The following KDM4C variants were observed in gnomAD, a reference collection of about 807,000 sequenced individuals.
KDM4C encodes lysine demethylase 4C, also known as lysine-specific demethylase 4C.
A neutral mutation model predicts 129.3 loss-of-function variants in KDM4C; 81 were observed. That is an observed-to-expected ratio of 0.63 (90% CI 0.52 to 0.75). The LOEUF (loss-of-function observed/expected upper bound fraction) is 0.75. Among genes scored for constraint, KDM4C ranks in the 30% least tolerant of loss-of-function variants. KDM4C has a pLI of 0.00. For synonymous variants in KDM4C, 573 were observed against 456.1 expected, an observed-to-expected ratio of 1.26 and a Z score of -3.26; for missense variants, 1,457 against 1,304.0, an observed-to-expected ratio of 1.12 and a Z score of -1.81.
At position 7,015,919 on chromosome 9, in the gene KDM4C, C is replaced by T. The variant is rs577091363; in HGVS notation, c.2249C>T (p.Ala750Val). The change falls in exon 15 of 22, where the codon GCG becomes GTG. Residue 750 changes from alanine to valine, a missense_variant. Transcript: ENST00000381309. ...GWLCARCKRN[A>V]WTAECCLCNL... ...CTGTGTGCCCGGTGCAAAAGAAATG[C>T]GTGGACAGCAGTAAGTAGCTTATTT... 2.2e-5 allele frequency: 36 copies of T among 1,610,382 alleles called. No homozygotes were observed. The highest frequency in any genetic ancestry group is 4.5e-5 in the East Asian group (2 of 44,826).
At chr9:7,104,441 A>C (rs1837451026) in intron 18 of KDM4C, 2 of 152,208 alleles carry the variant, frequency 1.3e-5, no homozygotes, top group Admixed American at 6.5e-5. Flanking sequence ...AGTGAGGATA[A>C]TCTCATAGAA....
chr9:6,889,211 TTG>T (rs34443147), intron 7 of KDM4C, among the ~76,000 whole-genome samples: 2,435 of 61,568 alleles, frequency 0.04, 71 homozygotes, highest in Middle Eastern at 0.059. Context: ...GGCCTTCTTT[TTG>T]TGTGTGTGTG....
intron 1 of KDM4C, among the ~76,000 whole-genome samples, chr9:6,776,495 C>T (rs1823075904): frequency 6.6e-6 from 1 of 152,040 alleles, no homozygotes. Context: ...ATCTCTTGAC[C>T]TCCCAAAGTG....
At chr9:6,849,948 T>G (rs992534661) in intron 5 of KDM4C, among the ~76,000 whole-genome samples, 1 of 152,244 alleles carries the variant, frequency 6.6e-6, no homozygotes, top group African/African-American at 2.4e-5. Context: ...GGACCACAGA[T>G]ACAACGGTCA....
At chr9:6,733,479 C>G (rs1438868844) in intron 1 of KDM4C, among the ~76,000 whole-genome samples, 1 of 152,230 alleles carries the variant, frequency 6.6e-6, no homozygotes, top group East Asian at 1.9e-4. Context: ...AGAGATCAGA[C>G]TCTGGACCCT....
chr9:7,015,857 T>C lies in KDM4C; in HGVS notation c.2187T>C (p.Cys729=). The change falls in exon 15 of 22, where the codon TGT becomes TGC. Residue 729 remains cysteine (C), a synonymous_variant. Coordinates refer to ENST00000381309, the MANE Select transcript of KDM4C (RefSeq NM_015061.6). The stretch of plus-strand genomic sequence containing the variant: ...ATACATACTATTATTTTATAGGTTG[T>C]TATGGTATTCCTTCTCATGAGATCT... ...AKCCVRVHAS[C]YGIPSHEICD... 6.2e-7 allele frequency: 1 copy of C among 1,609,390 alleles called. No homozygotes were observed. The highest frequency in any genetic ancestry group is 8.5e-7 in the Non-Finnish European group (1 of 1,175,894).
chr9:7,084,378 C>T (rs545388552), intron 17 of KDM4C, among the ~76,000 whole-genome samples: 7 of 152,320 alleles, frequency 4.6e-5, no homozygotes, highest in African/African-American at 1.4e-4. Flanking sequence ...TTGTTAGCCA[C>T]TGTGGTGTTA....
chr9:6,737,952 G>A (rs1276123080), intron 1 of KDM4C, among the ~76,000 whole-genome samples: 1 of 149,682 alleles, frequency 6.7e-6, no homozygotes, highest in African/African-American at 2.5e-5. Flanking sequence ...GGCTAACGTG[G>A]CAAAACCCCA....
intron 8 of KDM4C, among the ~76,000 whole-genome samples, chr9:6,948,985 T>A (rs1169137887): frequency 6.6e-6 from 1 of 152,218 alleles, no homozygotes; most frequent in South Asian, 2.1e-4. Flanking sequence ...CCCGTTCTCA[T>A]TGAGCTGTTG....
At chr9:6,889,211 TTGTGTGTGTGTGTG>T (rs34443147) in intron 7 of KDM4C, among the ~76,000 whole-genome samples, 85 of 61,614 alleles carry the variant, frequency 1.4e-3, no homozygotes, top group South Asian at 4.6e-3. Context: ...GGCCTTCTTT[TTGTGTGTGTGTGTG>T]TGTGTGTGTG....
chr9:6,815,569 A>G (rs1564077921), intron 4 of KDM4C, among the ~76,000 whole-genome samples: 5 of 152,152 alleles, frequency 3.3e-5, no homozygotes, highest in African/African-American at 1.2e-4. Context: ...CTAGTGCAAT[A>G]CACACCTGGA....
At chr9:6,926,406 C>CT (rs2131262034) in intron 8 of KDM4C, among the ~76,000 whole-genome samples, 1 of 144,458 alleles carries the variant, frequency 6.9e-6, no homozygotes, top group Admixed American at 6.9e-5. Context: ...AAAGTGGAAT[C>CT]TTTGTTCTGT....
intron 17 of KDM4C, among the ~76,000 whole-genome samples, chr9:7,086,398 A>C (rs1835119837): frequency 6.6e-6 from 1 of 152,230 alleles, no homozygotes; most frequent in Non-Finnish European, 1.5e-5. Context: ...CGTCTGTCAC[A>C]GAGGCAAGTA....
At chr9:7,055,901 G>T (rs1422462665) in intron 17 of KDM4C, among the ~76,000 whole-genome samples, 1 of 152,160 alleles carries the variant, frequency 6.6e-6, no homozygotes, top group East Asian at 1.9e-4. Flanking sequence ...GTATTTGACA[G>T]GGCCTCTGTT....
chr9:7,164,596 A>T (rs1844172093), intron 19 of KDM4C, among the ~76,000 whole-genome samples: 1 of 152,164 alleles, frequency 6.6e-6, no homozygotes, highest in African/African-American at 2.4e-5. Flanking sequence ...ACACCCACCC[A>T]GCTCCACCCG....
At chr9:6,769,620 CT>C (rs60946645) in intron 1 of KDM4C, among the ~76,000 whole-genome samples, 21,480 of 151,924 alleles carry the variant, frequency 0.14, 1,737 homozygotes, top group East Asian at 0.31. Context: ...AAATGCAAGA[CT>C]TTTTTTTATA....
intron 1 of KDM4C, chr9:6,726,441 G>C (rs1036513843): frequency 1.3e-5 from 2 of 152,302 alleles, no homozygotes; most frequent in Non-Finnish European, 2.9e-5. Context: ...GGCCAGCTAA[G>C]TCAGTGATGA....
At chr9:6,780,498 G>A (rs1186467817) in intron 1 of KDM4C, among the ~76,000 whole-genome samples, 1 of 151,768 alleles carries the variant, frequency 6.6e-6, no homozygotes, top group Non-Finnish European at 1.5e-5. Context: ...CAGGTGCTGT[G>A]GCTCACACCT....
At chr9:6,982,741 A>G (rs1235913881) in intron 9 of KDM4C, 1 of 152,232 alleles carries the variant, frequency 6.6e-6, no homozygotes, top group African/African-American at 2.4e-5. Context: ...CAATATTTTC[A>G]TTAGGTGTAT....
Sources: gnomAD v4.1 joint callset for allele counts (sites outside exome capture counted in the v4.1 genomes callset) on GRCh38, gnomAD v4.1.1 for gene constraint, MANE v1.5 for transcripts, NCBI Gene and HGNC (gene_info 2026-07-23, HGNC 2026-07-21) for gene names.